Variants in VSIG10L2 observed in about 807,000 individuals in gnomAD.
VSIG10L2 encodes the protein V-set and immunoglobulin domain-containing protein 10-like 2.
Under a neutral mutation model 67.1 loss-of-function variants are expected in VSIG10L2, and 56 were observed. The ratio of observed to expected loss-of-function variants is 0.83; its 90% confidence interval spans 0.67 to 1.04. VSIG10L2 has a LOEUF of 1.04. VSIG10L2 is among the 50% of genes least tolerant of loss of function. The probability of loss-of-function intolerance (pLI) is 0.00; values close to 1 mark genes in which losing one functional copy is unlikely to be tolerated. For missense variants in VSIG10L2, 843 were observed against 932.8 expected (o/e 0.90, Z 1.25); for synonymous variants, 360 against 396.6 (o/e 0.91, Z 1.10).
In VSIG10L2 at chr11:125,955,697, C is replaced by T. The variant is rs754463123; in HGVS notation, c.2284+30C>T. The stretch of plus-strand genomic sequence containing the variant: ...GCACCTTATCCAGAAAAAGACGACT[C>T]GTGTACAAGGAGACCAGTGCTGGGT... On this transcript the variant is annotated intron_variant, in intron 11 of 11. Coordinates refer to ENST00000686984, the MANE Select transcript of VSIG10L2 (RefSeq NM_001365077.2). 198 of 1,525,164 alleles carry T rather than the reference C, an allele frequency of 1.3e-4. 1 individual carries two copies. The highest frequency in any genetic ancestry group is 1.7e-4 in the Non-Finnish European group (195 of 1,138,040). The allele number at this position is 1,525,164 out of a possible 1,614,324, so 94.5% of individuals were successfully genotyped here.
chr11:125,954,792 G>A (rs901006237), intron 8 of VSIG10L2, among the ~76,000 whole-genome samples: 10 of 152,140 alleles, frequency 6.6e-5, no homozygotes, highest in African/African-American at 1.4e-4. Context: ...GCCCCAAGCC[G>A]CCAAGATAAC....
At position 125,955,159 on chromosome 11, in the gene VSIG10L2, G is replaced by A. The variant is rs754474462; in HGVS notation, c.2186G>A (p.Arg729Gln). The change falls in exon 9 of 12, where the codon CGG becomes CAG. Residue 729 changes from arginine (R) to glutamine (Q), a missense_variant. Arg to Gln is a conservative substitution (Grantham distance 43). Around this residue, in one of 2 missense-constraint regions of VSIG10L2, gnomAD observed 397 missense variants for 384.4 expected, o/e 1.03. Transcript: ENST00000686984. ...CTACTGGTGTTCCAGTATGCTGCCC[G>A]GCACCCAGAGACTTTCCCCCGTGAG... Reference protein sequence around the residue: ...ASLLVFQYAARHPETFPRLGQ... With the variant: ...ASLLVFQYAAQHPETFPRLGQ... 2.9e-5 allele frequency: 36 copies of A among 1,249,430 alleles called. No individual in the cohort carries two copies. The highest frequency in any genetic ancestry group is 9.3e-5 in the East Asian group (3 of 32,362). The allele number at this position is 1,249,430 out of a possible 1,614,324, so 77.4% of individuals were successfully genotyped here.
intron 10 of VSIG10L2, 36 bp downstream of exon 10, chr11:125,955,542 G>T: frequency 7.5e-7 from 1 of 1,328,316 alleles, no homozygotes; most frequent in Non-Finnish European, 1.0e-6. Context: ...GGGGGCCAGG[G>T]CTTTCCTCCA....
chr11:125,947,600 C>T (rs1018940343), intron 1 of VSIG10L2, 86 bp from the exon 2 acceptor site: 57 of 1,231,660 alleles, frequency 4.6e-5, no homozygotes, highest in Admixed American at 1.3e-4. Context: ...GACTGCAGAA[C>T]CAAAAAGAGA....
rs1024753137 is a variant in VSIG10L2 at position 125,956,238 on chromosome 11, T to C, written c.*324T>C. 4 of 523,228 alleles carry C rather than the reference T, an allele frequency of 7.6e-6. No homozygotes were observed. Among genetic ancestry groups the C allele is most frequent in the African/African-American group, 3.8e-5 (2 of 52,436 alleles). The allele number at this position is 523,228 out of a possible 1,614,324, so 32.4% of individuals were successfully genotyped here. On this transcript the variant is annotated 3_prime_UTR_variant, in exon 12 of 12. Transcript: ENST00000686984. ...GGAAGGATCTGTGGTGCTATAGAAG[T>C]ATGAGCAAGCTAGCTGCTTCCAGAA...
chr11:125,951,452 T>C (rs1042609499), intron 5 of VSIG10L2, among the ~76,000 whole-genome samples: 2 of 152,172 alleles, frequency 1.3e-5, no homozygotes, highest in African/African-American at 4.8e-5. Flanking sequence ...CTTCTACCGC[T>C]CTGACGCATG....
intron 5 of VSIG10L2, 130 bp downstream of exon 5, chr11:125,951,288 C>A: frequency 1.1e-6 from 1 of 873,748 alleles, no homozygotes; most frequent in Non-Finnish European, 1.5e-6. Context: ...CGCCATGTAA[C>A]AAGGAGGTGG....
rs1945304722 is a variant in VSIG10L2 at position 125,946,541 on chromosome 11, A to ATTTTT, written c.82+406_82+407insTTTTT. Among the ~76,000 whole-genome samples the ATTTTT allele has an allele frequency of 2.5e-5, 3 of 121,722 alleles. No homozygotes were observed. Among genetic ancestry groups the ATTTTT allele is most frequent in the Non-Finnish European group, 5.7e-5 (3 of 52,866 alleles). The allele number at this position is 121,722 out of a possible 152,430, so 79.9% of individuals were successfully genotyped here. A position where few individuals can be genotyped will look rare whatever the true frequency, so the allele number is the denominator to read the frequency against. On this transcript the variant is annotated intron_variant, in intron 1 of 11. Coordinates refer to ENST00000686984, the MANE Select transcript of VSIG10L2 (RefSeq NM_001365077.2). This position sits in a 1 kb window ranked among gnomAD's most constrained non-coding sequence, Gnocchi z 4.4. ...ATTGGTTTCTGGGTTACATATTTTT[A>ATTTTT]TTCTTTTTTTTTTTTTGAGATGGAG...
Position 125,951,908 on chromosome 11 carries a change from G to C in VSIG10L2, c.1330G>C (p.Ala444Pro). Residue 444 changes from alanine to proline, a missense_variant, in exon 6 of 12, where the codon GCC becomes CCC. This residue lies in a region of VSIG10L2 where 446 missense variants were observed against 548.4 expected (regional missense o/e 0.81). Transcript: ENST00000686984. ...CGAGTGGCCTGGCGGCGAGCCCCCTGCCACGCTGGGCTGGCTTGACGAACA... is the reference window on the plus strand; with the variant it reads ...CGAGTGGCCTGGCGGCGAGCCCCCTCCCACGCTGGGCTGGCTTGACGAACA... The part of the protein sequence containing the change: ...SCEWPGGEPP[A>P]TLGWLDEQQQ... 1 of 1,535,738 alleles carries C rather than the reference G, an allele frequency of 6.5e-7. No homozygotes were observed. The highest frequency in any genetic ancestry group is 8.7e-7 in the Non-Finnish European group (1 of 1,146,636).
At chr11:125,949,870 C>A in intron 3 of VSIG10L2, 144 bp from the exon 4 acceptor site, 3 of 872,996 alleles carry the variant, frequency 3.4e-6, no homozygotes, top group Non-Finnish European at 4.5e-6. Flanking sequence ...GGACTCTGAG[C>A]TCTAAGAGGG....
Position 125,955,067 on chromosome 11 carries a change from C to G in VSIG10L2, c.2094C>G (p.Pro698=), listed in dbSNP as rs375533786. 5.5e-5 allele frequency: 68 copies of G among 1,235,462 alleles called. No individual in the cohort carries two copies. In the East Asian group the frequency reaches 2.1e-3, roughly 38 times the overall value. 76.5% of individuals were successfully genotyped at this position (1,235,462 alleles called of 1,614,324 possible). Residue 698 remains proline, a synonymous_variant, in exon 9 of 12, where the codon CCC becomes CCG. Coordinates refer to ENST00000686984, the MANE Select transcript of VSIG10L2 (RefSeq NM_001365077.2). The stretch of plus-strand genomic sequence containing the variant: ...GCTCTCCCCTCCTAGCGGACCCCCC[C>G]TTCAGCGCCTACCCAGCGGTGTTGG... ...PSEVKIPADP[P]FSAYPAVLGA... is the part of the protein sequence containing the mutation.
rs778898045 is a variant in VSIG10L2 at position 125,949,965 on chromosome 11, A to C, written c.710-49A>C. On this transcript the variant is annotated intron_variant, in intron 3 of 11. Coordinates refer to ENST00000686984, the MANE Select transcript of VSIG10L2 (RefSeq NM_001365077.2). The stretch of plus-strand genomic sequence containing the variant: ...CATTCAGAGATGAGCATGTGCGTGA[A>C]TGAAGGAATGAAGCTGGGGAGGTGT... 7 of 1,231,506 alleles carry C rather than the reference A, an allele frequency of 5.7e-6. No individual in the cohort carries two copies. The South Asian group carries it at 1.2e-4, about 22-fold the overall frequency. The allele number at this position is 1,231,506 out of a possible 1,614,324, so 76.3% of individuals were successfully genotyped here.
In VSIG10L2 at chr11:125,950,183, T is replaced by C. The variant is rs1945348948; in HGVS notation, c.879T>C (p.Tyr293=). Residue 293 remains tyrosine, a synonymous_variant, in exon 4 of 12, where the codon TAT becomes TAC. Coordinates refer to ENST00000686984, the MANE Select transcript of VSIG10L2 (RefSeq NM_001365077.2). The stretch of plus-strand genomic sequence containing the variant: ...CGCAAGTCCACACGGGGCCTACCTA[T>C]GTCATCGCCAGAGCTGGCCGTGTCC... ...DHTQVHTGPT[Y]VIARAGRVHT... 8.1e-7 allele frequency: 1 copy of C among 1,232,374 alleles called. No individual in the cohort carries two copies. The highest frequency in any genetic ancestry group is 4.1e-5 in the South Asian group (1 of 24,324). The allele number at this position is 1,232,374 out of a possible 1,614,324, so 76.3% of individuals were successfully genotyped here. A position where few individuals can be genotyped will look rare whatever the true frequency, so the allele number is the denominator to read the frequency against.
At position 125,954,321 on chromosome 11, in the gene VSIG10L2, C is replaced by A. The variant is rs1945420961; in HGVS notation, c.2021C>A (p.Ala674Asp). 8.1e-7 allele frequency: 1 copy of A among 1,232,072 alleles called. No individual in the cohort carries two copies. Among genetic ancestry groups the A allele is most frequent in the African/African-American group, 1.6e-5 (1 of 64,484 alleles). 76.3% of individuals were successfully genotyped at this position (1,232,072 alleles called of 1,614,324 possible). ...GGCTTGGACCCCGGGGTCCTTTATG[C>A]CTTCCGCATCCTGGCTCTGAATCAC... ...LGGLDPGVLY[A>D]FRILALNHHT... is the part of the protein sequence containing the mutation. Residue 674 changes from alanine (A) to aspartate (D), a missense_variant, in exon 8 of 12, where the codon GCC becomes GAC. Physicochemically the swap from Ala to Asp is moderately radical, Grantham distance 126 (BLOSUM62 -2). This residue lies in a region of VSIG10L2 where 397 missense variants were observed against 384.4 expected (regional missense o/e 1.03). Coordinates refer to ENST00000686984, the MANE Select transcript of VSIG10L2 (RefSeq NM_001365077.2).
Position 125,953,429 on chromosome 11 carries a change from C to T in VSIG10L2, c.1525C>T (p.Arg509Cys), listed in dbSNP as rs949266463. ...EAPQLDVAEP[R>C]VSVLEGGEAW... is the part of the protein sequence containing the mutation. ...CCCACAGCTGGACGTGGCTGAGCCCCGCGTGTCAGTGTTGGAGGGGGGAGA... is the reference window on the plus strand; with the variant it reads ...CCCACAGCTGGACGTGGCTGAGCCCTGCGTGTCAGTGTTGGAGGGGGGAGA... Residue 509 changes from arginine (R) to cysteine (C), a missense_variant, in exon 7 of 12, where the codon CGC becomes TGC. By Grantham distance (180) the Arg-to-Cys change is radical. Around this residue, in one of 2 missense-constraint regions of VSIG10L2, gnomAD observed 397 missense variants for 384.4 expected, o/e 1.03. Transcript: ENST00000686984. 12 of 1,232,424 alleles carry T rather than the reference C, an allele frequency of 9.7e-6. No homozygotes were observed. The Admixed American group carries it at 1.7e-4, about 17-fold the overall frequency. The allele number at this position is 1,232,424 out of a possible 1,614,324, so 76.3% of individuals were successfully genotyped here. A position where few individuals can be genotyped will look rare whatever the true frequency, so the allele number is the denominator to read the frequency against.
Position 125,952,015 on chromosome 11 carries a change from C to T in VSIG10L2, c.1437C>T (p.Phe479=), listed in dbSNP as rs1180708573. 2 of 1,535,974 alleles carry T rather than the reference C, an allele frequency of 1.3e-6. No homozygotes were observed. The highest frequency in any genetic ancestry group is 1.4e-5 in the African/African-American group (1 of 73,060). The change falls in exon 6 of 12, where the codon TTC becomes TTT. Residue 479 remains phenylalanine, a synonymous_variant. Coordinates refer to ENST00000686984, the MANE Select transcript of VSIG10L2 (RefSeq NM_001365077.2). ...QAQEDLAGRE[F]TCRGTHLLRT... ...AAGAAGATCTGGCTGGCAGAGAGTT[C>T]ACCTGCCGGGGCACTCACCTGCTCA...
At position 125,956,137 on chromosome 11, in the gene VSIG10L2, A is replaced by C; in HGVS notation, c.*223A>C. The C allele has an allele frequency of 1.5e-6, 1 of 662,756 alleles. No homozygotes were observed. 41.1% of individuals were successfully genotyped at this position (662,756 alleles called of 1,614,324 possible). On this transcript the variant is annotated 3_prime_UTR_variant, in exon 12 of 12. Transcript: ENST00000686984. ...CCACCTTGTGGAAGACAGAGGTGGC[A>C]GGACAAGGAAGAGGACCCACAATGG...
At chr11:125,953,369 C>T in intron 6 of VSIG10L2, 31 bp from the exon 7 acceptor site, 2 of 1,232,372 alleles carry the variant, frequency 1.6e-6, no homozygotes, top group Non-Finnish European at 2.0e-6. Flanking sequence ...AGCCCTCCCA[C>T]TAGCCGGCCT....
rs140570713 is a variant in VSIG10L2 at position 125,952,192 on chromosome 11, C to T, written c.1495+119C>T. On this transcript the variant is annotated intron_variant, in intron 6 of 11. Coordinates refer to ENST00000686984, the MANE Select transcript of VSIG10L2 (RefSeq NM_001365077.2). The stretch of plus-strand genomic sequence containing the variant: ...GGCATGGAAAGTGAGTCAGTGCGGA[C>T]GGGGAAGCTAGGAGGTAGTTAGGAG... The T allele has an allele frequency of 1.0e-4, 136 of 1,334,296 alleles. 1 individual carries two copies. The African/African-American group carries it at 1.5e-3, about 14-fold the overall frequency. The allele number at this position is 1,334,296 out of a possible 1,614,324, so 82.7% of individuals were successfully genotyped here.
Sources: gnomAD v4.1 joint callset for allele counts (sites outside exome capture counted in the v4.1 genomes callset) on GRCh38, gnomAD v4.1.1 for gene constraint, gnomAD v4.1.1 regional missense constraint, Gnocchi (gnomAD v3.1) non-coding constraint, MANE v1.5 for transcripts, NCBI Gene and HGNC (gene_info 2026-07-23, HGNC 2026-07-21) for gene names.